LPAR3: variants seen among roughly 807,000 people sequenced by gnomAD.
LPAR3 encodes the protein LPA receptor 3.
LPAR3 carries 7 observed loss-of-function variants against 17.8 expected under a neutral mutation model. That is an observed-to-expected ratio of 0.39 (90% CI 0.22 to 0.74). The LOEUF (loss-of-function observed/expected upper bound fraction) is 0.74, where lower values mean the gene tolerates loss of function less well. Among genes scored for constraint, LPAR3 ranks in the 30% least tolerant of loss-of-function variants. LPAR3 has a pLI of 0.40. For synonymous variants in LPAR3, 179 were observed against 179.9 expected (o/e 0.99, Z 0.04); for missense variants, 391 against 453.4 (o/e 0.86, Z 1.25).
At chr1:84,845,942 G>A (rs972768681) in intron 2 of LPAR3, among the ~76,000 whole-genome samples, 2 of 152,036 alleles carry the variant, frequency 1.3e-5, no homozygotes, top group Non-Finnish European at 2.9e-5. Context: ...GACAGGACAC[G>A]TTCCACCAAT....
chr1:84,878,299 G>A (rs925289254), intron 1 of LPAR3, among the ~76,000 whole-genome samples: 1 of 151,966 alleles, frequency 6.6e-6, no homozygotes, highest in African/African-American at 2.4e-5. Context: ...CCCTCCTGCC[G>A]CCTCAGTGAC....
At chr1:84,846,527 A>G (rs1446274664) in intron 2 of LPAR3, among the ~76,000 whole-genome samples, 3 of 152,138 alleles carry the variant, frequency 2.0e-5, no homozygotes, top group Non-Finnish European at 4.4e-5. Context: ...GACTTTCCAC[A>G]TGAAGCATTC....
intron 2 of LPAR3, among the ~76,000 whole-genome samples, chr1:84,842,994 T>C (rs757566605): frequency 2.0e-5 from 3 of 152,196 alleles, no homozygotes; most frequent in Non-Finnish European, 4.4e-5. Flanking sequence ...GTCAAGGCAA[T>C]TTCAATCCTC....
intron 2 of LPAR3, among the ~76,000 whole-genome samples, chr1:84,862,596 T>G (rs1381211826): frequency 6.6e-6 from 1 of 152,248 alleles, no homozygotes; most frequent in Non-Finnish European, 1.5e-5. Flanking sequence ...ATATAAATAT[T>G]TGTTAAATAA....
chr1:84,822,558 AC>A (rs1236559748), intron 2 of LPAR3, among the ~76,000 whole-genome samples: 2 of 152,106 alleles, frequency 1.3e-5, no homozygotes, highest in African/African-American at 2.4e-5. Flanking sequence ...CTCGATAACA[AC>A]CCCCACACCC....
At chr1:84,881,056 G>C (rs1319528412) in intron 1 of LPAR3, among the ~76,000 whole-genome samples, 1 of 152,178 alleles carries the variant, frequency 6.6e-6, no homozygotes, top group East Asian at 1.9e-4. Context: ...GTTTCTACTT[G>C]TCCACTGAAT....
intron 2 of LPAR3, among the ~76,000 whole-genome samples, chr1:84,832,181 C>T (rs926542909): frequency 9.9e-5 from 15 of 152,120 alleles, no homozygotes; most frequent in African/African-American, 1.9e-4. Flanking sequence ...TGATCCCCCA[C>T]GAAAGGGCAG....
At chr1:84,874,305 A>T (rs2102769115) in intron 1 of LPAR3, among the ~76,000 whole-genome samples, 1 of 152,304 alleles carries the variant, frequency 6.6e-6, no homozygotes, top group South Asian at 2.1e-4. Context: ...CAGAATAAAC[A>T]GGTTCTTGTG....
intron 1 of LPAR3, among the ~76,000 whole-genome samples, chr1:84,887,487 G>A (rs1660483316): frequency 6.6e-6 from 1 of 152,132 alleles, no homozygotes; most frequent in African/African-American, 2.4e-5. Flanking sequence ...TGAGGAACAG[G>A]CTATTTGCAT....
Position 84,893,146 on chromosome 1 carries a change from G to C in LPAR3, c.-149C>G, listed in dbSNP as rs985547687. 2 of 152,104 alleles carry C rather than the reference G, an allele frequency of 1.3e-5. No individual in the cohort carries two copies. Among genetic ancestry groups the C allele is most frequent in the Non-Finnish European group, 2.9e-5 (2 of 68,016 alleles). 9.4% of individuals were successfully genotyped at this position (152,104 alleles called of 1,614,324 possible). On this transcript the variant is annotated 5_prime_UTR_variant, in exon 1 of 3. Transcript: ENST00000370611. ...CGGGCGCGGAGAAGCAGCGGAGGAC[G>C]CGGCGGGCGGGCGGAGCGCCTCCTC...
At chr1:84,830,656 C>A (rs1282140390) in intron 2 of LPAR3, among the ~76,000 whole-genome samples, 1 of 152,154 alleles carries the variant, frequency 6.6e-6, no homozygotes, top group Non-Finnish European at 1.5e-5. Flanking sequence ...CCTGATCAGA[C>A]CAGACGCTTA....
rs571560571 is a variant in LPAR3 at position 84,858,829 on chromosome 1, C to T, written c.736+6556G>A. ...ATAAAGGCATGTAAACAATTAAGTA[C>T]GTTGATTGTTGTATGGACAAGACTG... On this transcript the variant is annotated intron_variant, in intron 2 of 2. Coordinates refer to ENST00000370611, the MANE Select transcript of LPAR3 (RefSeq NM_012152.3). 5.3e-5 allele frequency among the ~76,000 whole-genome samples: 8 copies of T among 152,192 alleles called. No homozygotes were observed. The South Asian group carries it at 1.4e-3, about 28-fold the overall frequency.
intron 2 of LPAR3, among the ~76,000 whole-genome samples, chr1:84,853,783 C>G (rs988671336): frequency 3.3e-5 from 5 of 152,220 alleles, no homozygotes; most frequent in African/African-American, 1.2e-4. Context: ...TTCTAAAACC[C>G]TGCTTTGCAT....
intron 2 of LPAR3, among the ~76,000 whole-genome samples, chr1:84,819,249 T>C (rs1198738210): frequency 1.3e-5 from 2 of 152,216 alleles, no homozygotes; most frequent in Non-Finnish European, 2.9e-5. Flanking sequence ...AACCCTCTCT[T>C]GAGAATAGCA....
chr1:84,884,759 A>G (rs955728791), intron 1 of LPAR3, among the ~76,000 whole-genome samples: 1 of 152,250 alleles, frequency 6.6e-6, no homozygotes, highest in African/African-American at 2.4e-5. Flanking sequence ...GAACTCAGAA[A>G]GACAAGTAAT....
chr1:84,876,975 A>G (rs1049049702), intron 1 of LPAR3, among the ~76,000 whole-genome samples: 1 of 152,192 alleles, frequency 6.6e-6, no homozygotes, highest in African/African-American at 2.4e-5. Context: ...TGAGTGATCT[A>G]CCCATGGTTT....
chr1:84,836,338 T>TAAAA lies in LPAR3; in HGVS notation c.737-22171_737-22168dup, dbSNP rs77497063. On this transcript the variant is annotated intron_variant, in intron 2 of 2. Coordinates refer to ENST00000370611, the MANE Select transcript of LPAR3 (RefSeq NM_012152.3). The stretch of plus-strand genomic sequence containing the variant: ...GGGCGATACAATGAGATCCTGTCTT[T>TAAAA]AAAAAAAAAAAAAAAAAAACCCATT... 1.1e-4 allele frequency among the ~76,000 whole-genome samples: 14 copies of TAAAA among 129,080 alleles called. 1 individual carries two copies. Among genetic ancestry groups the TAAAA allele is most frequent in the African/African-American group, 2.1e-4 (7 of 33,792 alleles). The allele number at this position is 129,080 out of a possible 152,430, so 84.7% of individuals were successfully genotyped here.
At position 84,865,747 on chromosome 1, in the gene LPAR3, A is replaced by C. The variant is rs760811239; in HGVS notation, c.374T>G (p.Val125Gly). Reference sequence around the variant, plus strand: ...CCTCATGATTGACATGTGCCTCTCCACGGCGATAACCAGCAAGTTGGTGAG... The same window carrying C: ...CCTCATGATTGACATGTGCCTCTCCCCGGCGATAACCAGCAAGTTGGTGAG... ...ASLTNLLVIAVERHMSIMRMR... is the reference protein window; with the variant it reads ...ASLTNLLVIAGERHMSIMRMR... The change falls in exon 2 of 3, where the codon GTG becomes GGG. Residue 125 changes from valine to glycine, a missense_variant. Physicochemically the swap from Val to Gly is moderately radical, Grantham distance 109 (BLOSUM62 -3). Coordinates refer to ENST00000370611, the MANE Select transcript of LPAR3 (RefSeq NM_012152.3). 8 of 1,614,092 alleles carry C rather than the reference A, an allele frequency of 5.0e-6. No individual in the cohort carries two copies. Among genetic ancestry groups the C allele is most frequent in the Non-Finnish European group, 5.9e-6 (7 of 1,180,052 alleles).
chr1:84,885,077 G>T (rs1197246519), intron 1 of LPAR3, among the ~76,000 whole-genome samples: 1 of 152,182 alleles, frequency 6.6e-6, no homozygotes, highest in Non-Finnish European at 1.5e-5. Flanking sequence ...TCCTCCCAGG[G>T]ATTCCTAGCA....
Sources: allele counts gnomAD v4.1 joint callset (sites outside exome capture counted in the v4.1 genomes callset), GRCh38; gene constraint gnomAD v4.1.1; transcripts MANE v1.5; gene names NCBI Gene and HGNC (gene_info 2026-07-23, HGNC 2026-07-21).